PCDHGA7: variants seen among roughly 807,000 people sequenced by gnomAD.
The protein encoded by PCDHGA7 is protocadherin gamma subfamily A, 7, also known as protocadherin gamma-A7.
In PCDHGA7, 44 loss-of-function variants were observed where a neutral mutation model predicts 58.3. The observed-to-expected ratio is 0.75, with a 90% CI of 0.59 to 0.97. The LOEUF (loss-of-function observed/expected upper bound fraction) is 0.97. Among genes scored for constraint, PCDHGA7 ranks in the 50% least tolerant of loss-of-function variants. The pLI, the probability that PCDHGA7 is intolerant of heterozygous loss-of-function variation, is 0.00. For synonymous variants in PCDHGA7, 516 were observed against 504.2 expected, an observed-to-expected ratio of 1.02 and a Z score of -0.31; for missense variants, 1,266 against 1,188.7, an observed-to-expected ratio of 1.06 and a Z score of -0.96.
Position 141,393,873 on chromosome 5 carries a change from A to G in PCDHGA7, c.2424+8550A>G, listed in dbSNP as rs759255236. The G allele has an allele frequency of 1.9e-6, 3 of 1,613,916 alleles. No individual in the cohort carries two copies. In the Admixed American group the frequency reaches 5.0e-5, roughly 27 times the overall value. On this transcript the variant is annotated intron_variant, in intron 1 of 3. Coordinates refer to ENST00000518325, the MANE Select transcript of PCDHGA7 (RefSeq NM_018920.4). ...AGAAGTGATCATTACGTCTTTGTTT[A>G]GCCCAGTGTTAGAAAATTCTCTTCC...
chr5:141,485,986 G>T lies in PCDHGA7; in HGVS notation c.2425-8821G>T, dbSNP rs2099622467. The T allele has an allele frequency of 1.2e-6, 2 of 1,614,084 alleles. No homozygotes were observed. Among genetic ancestry groups the T allele is most frequent in the African/African-American group, 1.3e-5 (1 of 74,936 alleles). On this transcript the variant is annotated intron_variant, in intron 1 of 3. Transcript: ENST00000518325. This position sits in a 1 kb window ranked among gnomAD's most constrained non-coding sequence, Gnocchi z 5.7. ...AGCTCAATGCCTCAGACCCGGACCT[G>T]GGTCCCAGTGGTAACGTCACCTTTT...
At position 141,486,135 on chromosome 5, in the gene PCDHGA7, G is replaced by A. The variant is rs145871538; in HGVS notation, c.2425-8672G>A. ...GAGAATTACTATGAATTTGATGTGC[G>A]GGCTCGCGATGGGGGTTCTCCAGCC... On this transcript the variant is annotated intron_variant, in intron 1 of 3. Transcript: ENST00000518325. This position sits in a 1 kb window ranked among gnomAD's most constrained non-coding sequence, Gnocchi z 5.0. The A allele has an allele frequency of 1.9e-6, 3 of 1,614,168 alleles. No homozygotes were observed. Among genetic ancestry groups the A allele is most frequent in the Non-Finnish European group, 2.5e-6 (3 of 1,180,022 alleles).
intron 1 of PCDHGA7, chr5:141,398,280 C>T (rs1001902282): frequency 1.4e-5 from 19 of 1,405,808 alleles, no homozygotes; most frequent in Non-Finnish European, 1.8e-5. Context: ...GGAACCTCGC[C>T]ACGGACCTGG....
In PCDHGA7 at chr5:141,382,939, T is replaced by G; in HGVS notation, c.40T>G (p.Phe14Val). Reference protein sequence around the residue: ...QPRGGDYRGFFLLSILLGTPW... With the variant: ...QPRGGDYRGFVLLSILLGTPW... ...GAGGGGCGGGGACTACAGAGGATTC[T>G]TCCTGCTCTCCATCCTCCTGGGGAC... is the stretch of plus-strand genomic sequence containing the variant. The change falls in exon 1 of 4, where the codon TTC (phenylalanine) becomes GTC (valine). Residue 14 changes from phenylalanine (F) to valine (V), a missense_variant. Phe to Val is a conservative substitution (Grantham distance 50). Transcript: ENST00000518325. 1 of 1,594,910 alleles carries G rather than the reference T, an allele frequency of 6.3e-7. No homozygotes were observed. The highest frequency in any genetic ancestry group is 8.6e-7 in the Non-Finnish European group (1 of 1,168,542).
chr5:141,405,176 G>A (rs917679696), intron 1 of PCDHGA7: 3 of 1,614,068 alleles, frequency 1.9e-6, no homozygotes, highest in Non-Finnish European at 2.5e-6. Context: ...ACACTTTGTG[G>A]GTGTAGATGG....
chr5:141,476,920 A>G lies in PCDHGA7; in HGVS notation c.2425-17887A>G. The G allele has an allele frequency of 6.2e-7, 1 of 1,614,094 alleles. No individual in the cohort carries two copies. The highest frequency in any genetic ancestry group is 1.1e-5 in the South Asian group (1 of 91,088). On this transcript the variant is annotated intron_variant, in intron 1 of 3. Coordinates refer to ENST00000518325, the MANE Select transcript of PCDHGA7 (RefSeq NM_018920.4). This position sits in a 1 kb window ranked among gnomAD's most constrained non-coding sequence, Gnocchi z 7.6. ...GCACGCGCGTGGTACAAGTCCTTGC[A>G]ACGGATCTGGATGAAGGCCCCAACG...
chr5:141,398,855 A>C, intron 1 of PCDHGA7: 1 of 1,613,970 alleles, frequency 6.2e-7, no homozygotes, highest in Non-Finnish European at 8.5e-7. Context: ...CCGGTATTCA[A>C]CCGAGACGTG....
chr5:141,476,926 T>G lies in PCDHGA7; in HGVS notation c.2425-17881T>G, dbSNP rs779017502. ...GCGTGGTACAAGTCCTTGCAACGGA[T>G]CTGGATGAAGGCCCCAACGGTGAAA... is the stretch of plus-strand genomic sequence containing the variant. On this transcript the variant is annotated intron_variant, in intron 1 of 3. Coordinates refer to ENST00000518325, the MANE Select transcript of PCDHGA7 (RefSeq NM_018920.4). The surrounding 1 kb of genome is among the most constrained non-coding windows in gnomAD (Gnocchi z 7.6). 1 of 1,614,072 alleles carries G rather than the reference T, an allele frequency of 6.2e-7. No homozygotes were observed. The highest frequency in any genetic ancestry group is 1.1e-5 in the South Asian group (1 of 91,092).
At position 141,497,121 on chromosome 5, in the gene PCDHGA7, G is replaced by T. The variant is rs185298630; in HGVS notation, c.2483+2256G>T. Among the ~76,000 whole-genome samples, 563 of 152,212 alleles carry T rather than the reference G, an allele frequency of 3.7e-3. 5 individuals are homozygous for T. The highest frequency in any genetic ancestry group is 0.011 in the Admixed American group (164 of 15,296). On this transcript the variant is annotated intron_variant, in intron 2 of 3. Coordinates refer to ENST00000518325, the MANE Select transcript of PCDHGA7 (RefSeq NM_018920.4). Reference sequence around the variant, plus strand: ...GAACTGCTTGAACCCGGAAGGCAGAGGTTGCAGTGAGCTGAGATCACGAAA... The same window carrying T: ...GAACTGCTTGAACCCGGAAGGCAGATGTTGCAGTGAGCTGAGATCACGAAA...
chr5:141,479,752 T>C (rs770200359), intron 1 of PCDHGA7: 4 of 152,236 alleles, frequency 2.6e-5, no homozygotes, highest in Non-Finnish European at 4.4e-5. Context: ...ATGTGAAAGG[T>C]AGATAAATTC....
At chr5:141,403,075 G>A (rs1188549930) in intron 1 of PCDHGA7, 5 of 1,613,968 alleles carry the variant, frequency 3.1e-6, no homozygotes, top group Non-Finnish European at 4.2e-6. Flanking sequence ...AGACAGAAAA[G>A]GGCTATATTG....
At chr5:141,510,447 C>T (rs1270073364) in intron 3 of PCDHGA7, among the ~76,000 whole-genome samples, 1 of 152,026 alleles carries the variant, frequency 6.6e-6, no homozygotes, top group Non-Finnish European at 1.5e-5. Flanking sequence ...CTCCAGGAGC[C>T]CATGGTCTAG....
chr5:141,439,667 C>T (rs149776177), intron 1 of PCDHGA7, among the ~76,000 whole-genome samples: 2,012 of 152,292 alleles, frequency 0.013, 16 homozygotes, highest in Middle Eastern at 0.034. Context: ...TCATGGAATG[C>T]AAATCCAAGA....
chr5:141,405,260 T>A, intron 1 of PCDHGA7: 1 of 1,614,140 alleles, frequency 6.2e-7, no homozygotes, highest in South Asian at 1.1e-5. Flanking sequence ...TCACCTGATC[T>A]TCCCCCAGCC....
intron 1 of PCDHGA7, chr5:141,415,748 T>TTG (rs2095929710): frequency 9.9e-7 from 1 of 1,008,886 alleles, no homozygotes; most frequent in South Asian, 2.7e-5. Context: ...AGGTTTTTTT[T>TTG]TTTTTTTTTT....
chr5:141,495,918 T>C (rs2099764622), intron 2 of PCDHGA7, among the ~76,000 whole-genome samples: 1 of 152,184 alleles, frequency 6.6e-6, no homozygotes, highest in African/African-American at 2.4e-5. Flanking sequence ...ATATCTTTCT[T>C]TGTCTCTGTC....
At chr5:141,410,012 C>T (rs1256228205) in intron 1 of PCDHGA7, 24 of 1,613,212 alleles carry the variant, frequency 1.5e-5, no homozygotes, top group Non-Finnish European at 2.0e-5. Context: ...CAACGCCTGG[C>T]TGTCCTACCA....
At chr5:141,418,409 G>C in intron 1 of PCDHGA7, 4 of 1,613,910 alleles carry the variant, frequency 2.5e-6, no homozygotes, top group Admixed American at 1.7e-5. Context: ...GGTGGAGAAA[G>C]ACAATCCTGA....
At chr5:141,390,532 T>C (rs1413146925) in intron 1 of PCDHGA7, 1 of 531,632 alleles carries the variant, frequency 1.9e-6, no homozygotes, top group Admixed American at 3.5e-5. Context: ...GGTGTGGTTT[T>C]AACCACAAAG....
Sources: gnomAD v4.1 joint callset for allele counts (sites outside exome capture counted in the v4.1 genomes callset) on GRCh38, gnomAD v4.1.1 for gene constraint, Gnocchi (gnomAD v3.1) non-coding constraint, MANE v1.5 for transcripts, NCBI Gene and HGNC (gene_info 2026-07-23, HGNC 2026-07-21) for gene names.